Variants in VPS37A observed in about 807,000 individuals in gnomAD.
VPS37A encodes the protein VPS37A subunit of ESCRT-I.
In VPS37A, 30 loss-of-function variants were observed where a neutral mutation model predicts 49.8. The ratio of observed to expected loss-of-function variants is 0.60; its 90% confidence interval spans 0.45 to 0.82. VPS37A has a LOEUF of 0.82. Among genes scored for constraint, VPS37A ranks in the 40% least tolerant of loss-of-function variants. The pLI is 0.00. For synonymous variants in VPS37A, 195 were observed against 160.6 expected (o/e 1.21, Z -1.62); for missense variants, 593 against 464.4 (o/e 1.28, Z -2.55).
intron 2 of VPS37A, 60 bp downstream of exon 2, chr8:17,266,041 T>C (rs1038607633): frequency 6.9e-7 from 1 of 1,441,226 alleles, no homozygotes; most frequent in East Asian, 2.3e-5. Flanking sequence ...TTTTATTGTT[T>C]CTTAGTTATT....
At chr8:17,249,294 C>T (rs1411783119) in intron 1 of VPS37A, among the ~76,000 whole-genome samples, 1 of 152,086 alleles carries the variant, frequency 6.6e-6, no homozygotes, top group Non-Finnish European at 1.5e-5. Context: ...GTAAAGAGTT[C>T]TGGAATTGGC....
At position 17,247,273 on chromosome 8, in the gene VPS37A, G is replaced by A; in HGVS notation, c.29G>A (p.Ser10Asn). 1 of 1,569,512 alleles carries A rather than the reference G, an allele frequency of 6.4e-7. No individual in the cohort carries two copies. Among genetic ancestry groups the A allele is most frequent in the Non-Finnish European group, 8.6e-7 (1 of 1,157,264 alleles). Residue 10 changes from serine (S) to asparagine (N), a missense_variant, in exon 1 of 12, where the codon AGC becomes AAC. By Grantham distance (46) the Ser-to-Asn change is conservative. Coordinates refer to ENST00000324849, the MANE Select transcript of VPS37A (RefSeq NM_152415.3). MSWLFPLTK[S>N]ASSSAAGSPG... is the part of the protein sequence containing the mutation. The stretch of plus-strand genomic sequence containing the variant: ...AGCTGGCTTTTTCCCCTGACCAAGA[G>A]CGCCTCCTCCTCCGCGGCTGGGTCC...
downstream of VPS37A, chr8:17,305,773 C>G (rs745437356): frequency 1.2e-6 from 2 of 1,611,996 alleles, no homozygotes; most frequent in South Asian, 2.2e-5. Flanking sequence ...TCTCGTCTCT[C>G]CTTTTGGCTG....
downstream of VPS37A, among the ~76,000 whole-genome samples, chr8:17,303,019 C>T (rs532723140): frequency 1.6e-4 from 24 of 152,042 alleles, 1 homozygote; most frequent in South Asian, 4.0e-3. Context: ...CCAATAAATC[C>T]CTTTTTATCC....
downstream of VPS37A, chr8:17,299,769 A>C (rs917621592): frequency 7.9e-6 from 12 of 1,524,668 alleles, no homozygotes; most frequent in African/African-American, 2.8e-5. Flanking sequence ...AATGACATGC[A>C]CCATTTCCTG....
the VPS37A span, chr8:17,309,189 A>C: frequency 1.1e-6 from 1 of 905,344 alleles, no homozygotes; most frequent in Non-Finnish European, 1.8e-6. Flanking sequence ...TCAAAAAACA[A>C]GACGATTTTC....
chr8:17,257,798 T>C (rs1812609764), intron 1 of VPS37A, among the ~76,000 whole-genome samples: 1 of 152,214 alleles, frequency 6.6e-6, no homozygotes, highest in Non-Finnish European at 1.5e-5. Flanking sequence ...TTTTTGTACA[T>C]GTCCTCTTCA....
the VPS37A span, among the ~76,000 whole-genome samples, chr8:17,319,661 G>T: frequency 6.6e-6 from 1 of 152,180 alleles, no homozygotes; most frequent in African/African-American, 2.4e-5. Context: ...TCTGAGGAAG[G>T]CACTTATTAT....
the VPS37A span, among the ~76,000 whole-genome samples, chr8:17,322,205 G>A: frequency 7.2e-5 from 11 of 152,172 alleles, no homozygotes; most frequent in Non-Finnish European, 1.2e-4. Flanking sequence ...CAGAGAACTG[G>A]CAAAATGATG....
Position 17,274,939 on chromosome 8 carries a change from C to T in VPS37A, c.623C>T (p.Thr208Ile), listed in dbSNP as rs757586403. ...TCAAATCTGCCATTACCCATTCCCA[C>T]AGTGGATGCTTCAATACCGGTTGGT... ...VLSNLPLPIPTVDASIPTSQN... is the reference protein window; with the variant it reads ...VLSNLPLPIPIVDASIPTSQN... The change falls in exon 5 of 12, where the codon ACA becomes ATA. Residue 208 changes from threonine (T) to isoleucine (I), a missense_variant. Transcript: ENST00000324849. 29 of 1,614,012 alleles carry T rather than the reference C, an allele frequency of 1.8e-5. No individual in the cohort carries two copies. Among genetic ancestry groups the T allele is most frequent in the Non-Finnish European group, 1.4e-5 (16 of 1,179,980 alleles).
At chr8:17,300,053 C>T (rs367618699), downstream of VPS37A, 24 of 1,614,026 alleles carry the variant, frequency 1.5e-5, no homozygotes, top group East Asian at 8.9e-5. Flanking sequence ...GAATCTTCAT[C>T]GCCTTGTGAA....
the VPS37A span, among the ~76,000 whole-genome samples, chr8:17,329,466 C>T: frequency 2.1e-3 from 322 of 152,258 alleles, 2 homozygotes; most frequent in Non-Finnish European, 3.5e-3. Flanking sequence ...CTTTAGAAAA[C>T]AGTAGTGTCA....
chr8:17,330,177 C>G, the VPS37A span, among the ~76,000 whole-genome samples: 1 of 152,220 alleles, frequency 6.6e-6, no homozygotes, highest in African/African-American at 2.4e-5. Context: ...TTAGGGTGTT[C>G]TGATTAAACG....
chr8:17,315,312 A>T, the VPS37A span, among the ~76,000 whole-genome samples: 12 of 152,188 alleles, frequency 7.9e-5, no homozygotes, highest in Admixed American at 1.3e-4. Flanking sequence ...AGACAGTAAA[A>T]AAATCAGCGG....
Position 17,247,144 on chromosome 8 carries a change from G to T in VPS37A, c.-101G>T. 6.7e-7 allele frequency: 1 copy of T among 1,500,062 alleles called. No homozygotes were observed. Among genetic ancestry groups the T allele is most frequent in the Non-Finnish European group, 9.0e-7 (1 of 1,111,216 alleles). The allele number at this position is 1,500,062 out of a possible 1,614,324, so 92.9% of individuals were successfully genotyped here. A position where few individuals can be genotyped will look rare whatever the true frequency, so the allele number is the denominator to read the frequency against. ...GGTCCCCAGCGCTTGGGCCACGGAC[G>T]TCCCACCCCGCTCCTCTGTCGCTGG... On this transcript the variant is annotated 5_prime_UTR_variant, in exon 1 of 12. Coordinates refer to ENST00000324849, the MANE Select transcript of VPS37A (RefSeq NM_152415.3).
chr8:17,248,031 T>G (rs73200921), intron 1 of VPS37A: 42 of 486,528 alleles, frequency 8.6e-5, no homozygotes, highest in Non-Finnish European at 1.0e-4. Context: ...TTCCTGTGAG[T>G]TTTTCATTTT....
the VPS37A span, among the ~76,000 whole-genome samples, chr8:17,325,007 A>C: frequency 6.6e-6 from 1 of 152,144 alleles, no homozygotes; most frequent in Non-Finnish European, 1.5e-5. Flanking sequence ...AAAAGCTTAA[A>C]TTTGCAATAT....
intron 1 of VPS37A, among the ~76,000 whole-genome samples, chr8:17,253,229 C>T (rs1409130703): frequency 6.6e-6 from 1 of 152,220 alleles, no homozygotes; most frequent in East Asian, 1.9e-4. Context: ...TGTTTGCTCA[C>T]CTAAGCCGAA....
the VPS37A span, among the ~76,000 whole-genome samples, chr8:17,308,515 G>T: frequency 6.6e-6 from 1 of 152,186 alleles, no homozygotes; most frequent in African/African-American, 2.4e-5. Flanking sequence ...CATGCATTTA[G>T]AATTTTAAGA....
Sources: gnomAD v4.1 joint callset for allele counts (sites outside exome capture counted in the v4.1 genomes callset) on GRCh38, gnomAD v4.1.1 for gene constraint, MANE v1.5 for transcripts, NCBI Gene and HGNC (gene_info 2026-07-23, HGNC 2026-07-21) for gene names.